Variants in CHLSN observed in about 807,000 individuals in gnomAD.
CHLSN encodes the protein cholesin, also known as protein cholesin.
chr7:1,083,580 T>A, the CHLSN span, among the ~76,000 whole-genome samples: 104,337 of 150,756 alleles, frequency 0.69, 37,440 homozygotes, highest in African/African-American at 0.89. Flanking sequence ...GTGAGTGGAG[T>A]TCGCACCACT....
At chr7:988,446 G>A in the CHLSN span, 1 of 1,611,470 alleles carries the variant, frequency 6.2e-7, no homozygotes, top group Non-Finnish European at 8.5e-7. Flanking sequence ...CCGGGGTGGG[G>A]CGGCACCTCC....
At chr7:1,096,874 G>A in the CHLSN span, among the ~76,000 whole-genome samples, 1 of 152,214 alleles carries the variant, frequency 6.6e-6, no homozygotes, top group Admixed American at 6.5e-5. The surrounding 1 kb of genome is among the most constrained non-coding windows in gnomAD (Gnocchi z 4.6). Context: ...TGCAGTCTTG[G>A]GGGGCAGGGT....
At chr7:1,093,409 G>A in the CHLSN span, 6 of 456,358 alleles carry the variant, frequency 1.3e-5, no homozygotes, top group Admixed American at 9.5e-5. Flanking sequence ...AAAACATGCT[G>A]CTCTGGTGCA....
At chr7:1,091,737 G>T in the CHLSN span, 1 of 1,528,472 alleles carries the variant, frequency 6.5e-7, no homozygotes, top group Non-Finnish European at 8.8e-7. Context: ...ACATGGATGT[G>T]ACTTCCCAAG....
At chr7:1,048,998 T>C in the CHLSN span, among the ~76,000 whole-genome samples, 1 of 152,186 alleles carries the variant, frequency 6.6e-6, no homozygotes, top group South Asian at 2.1e-4. Context: ...ACCATAAAAC[T>C]GCAAAGCCTC....
At chr7:1,112,980 G>A in the CHLSN span, among the ~76,000 whole-genome samples, 5 of 152,232 alleles carry the variant, frequency 3.3e-5, no homozygotes, top group South Asian at 2.1e-4. Context: ...TCTTTGCACC[G>A]TGGATGAATA....
At chr7:1,018,772 G>A in the CHLSN span, among the ~76,000 whole-genome samples, 2 of 151,814 alleles carry the variant, frequency 1.3e-5, no homozygotes, top group Non-Finnish European at 1.5e-5. Flanking sequence ...ATGAGAGTGA[G>A]ACCCTCAAAA....
the CHLSN span, among the ~76,000 whole-genome samples, chr7:1,001,349 G>A: frequency 2.6e-5 from 4 of 151,634 alleles, no homozygotes; most frequent in Admixed American, 6.6e-5. Context: ...CTGTGGGTGT[G>A]GAGCCCTGTG....
chr7:1,021,451 G>C, the CHLSN span: 1 of 985,352 alleles, frequency 1.0e-6, no homozygotes. Flanking sequence ...CATCCATTAA[G>C]TCTGATCGGC....
At chr7:1,127,440 T>G in the CHLSN span, 2 of 1,511,500 alleles carry the variant, frequency 1.3e-6, no homozygotes, top group Non-Finnish European at 1.8e-6. Flanking sequence ...GCTTAACTCA[T>G]GTAAGATTTT....
the CHLSN span, among the ~76,000 whole-genome samples, chr7:1,061,503 G>C: frequency 6.6e-6 from 1 of 152,098 alleles, no homozygotes; most frequent in Non-Finnish European, 1.5e-5. Context: ...CTCATCCCCA[G>C]GCTCCCGCCA....
At chr7:987,199 G>A in the CHLSN span, 10 of 1,549,508 alleles carry the variant, frequency 6.5e-6, no homozygotes, top group East Asian at 2.4e-5. Flanking sequence ...CCTCGGCCAC[G>A]CTGCAGTGGG....
At chr7:1,108,343 G>C in the CHLSN span, among the ~76,000 whole-genome samples, 15 of 84,620 alleles carry the variant, frequency 1.8e-4, 1 homozygote, top group African/African-American at 7.9e-4. Context: ...GGAAGCAGAG[G>C]GGGGCTGTGT....
the CHLSN span, among the ~76,000 whole-genome samples, chr7:1,097,754 G>C: frequency 3.9e-5 from 6 of 152,314 alleles, no homozygotes; most frequent in East Asian, 7.7e-4. The surrounding 1 kb of genome is among the most constrained non-coding windows in gnomAD (Gnocchi z 4.3). Flanking sequence ...GTGATCACAT[G>C]GGCAGCACCA....
the CHLSN span, among the ~76,000 whole-genome samples, chr7:1,119,546 G>T: frequency 6.6e-6 from 1 of 152,106 alleles, no homozygotes; most frequent in African/African-American, 2.4e-5. Context: ...AGAATCAGAA[G>T]GTCACATATC....
chr7:1,056,806 G>A, the CHLSN span: 3 of 137,822 alleles, frequency 2.2e-5, no homozygotes, highest in East Asian at 2.2e-4. Flanking sequence ...TGACATGGTG[G>A]ACATCAGGCT....
chr7:1,031,544 C>T, the CHLSN span, among the ~76,000 whole-genome samples: 4 of 4,602 alleles, frequency 8.7e-4, no homozygotes, highest in Admixed American at 6.5e-3. Context: ...TGGTCCGGGG[C>T]GGCAGAGACC....
chr7:1,134,765 T>C, the CHLSN span, among the ~76,000 whole-genome samples: 2 of 150,812 alleles, frequency 1.3e-5, no homozygotes, highest in Non-Finnish European at 3.0e-5. Context: ...GCTACTCAGC[T>C]ACTCGGGAGG....
the CHLSN span, among the ~76,000 whole-genome samples, chr7:1,078,605 A>G: frequency 7.3e-3 from 1,109 of 151,976 alleles, 18 homozygotes; most frequent in African/African-American, 0.026. Context: ...CGTCTCCTCA[A>G]ACTCCCACCA....
Sources: allele counts gnomAD v4.1 joint callset (sites outside exome capture counted in the v4.1 genomes callset), GRCh38; gene constraint gnomAD v4.1.1; non-coding constraint Gnocchi (gnomAD v3.1); transcripts MANE v1.5; gene names NCBI Gene and HGNC (gene_info 2026-07-23, HGNC 2026-07-21).